The following TMEM164 variants were observed in gnomAD, a reference collection of about 807,000 sequenced individuals.
TMEM164 encodes transmembrane protein 164, also known as RP13-360B22.2.
In TMEM164, 4 loss-of-function variants were observed where a neutral mutation model predicts 18.8. That is an observed-to-expected ratio of 0.21 (90% CI 0.10 to 0.49). The LOEUF (loss-of-function observed/expected upper bound fraction) is 0.49, where lower values mean the gene tolerates loss of function less well. TMEM164 is among the 20% of genes least tolerant of loss of function. The probability of loss-of-function intolerance (pLI) is 0.98; values close to 1 mark genes in which losing one functional copy is unlikely to be tolerated. For synonymous variants in TMEM164, 86 were observed against 101.7 expected (o/e 0.85, Z 0.93); for missense variants, 108 against 239.9 (o/e 0.45, Z 3.63).
chrX:110,086,381 T>A (rs933166511), intron 3 of TMEM164, among the ~76,000 whole-genome samples: 77 of 111,497 alleles, frequency 6.9e-4, no homozygotes, highest in African/African-American at 2.3e-3. Flanking sequence ...ACTATTTAAC[T>A]GTTGTTGGAG....
chrX:110,084,479 G>GTATATATATATAT (rs1569321159), intron 3 of TMEM164, among the ~76,000 whole-genome samples: 1 of 27,042 alleles, frequency 3.7e-5, no homozygotes, highest in Non-Finnish European at 7.0e-5. Flanking sequence ...TATATATATA[G>GTATATATATATAT]AGAGAGAGAG....
chrX:110,118,394 G>A (rs773117294), intron 4 of TMEM164, among the ~76,000 whole-genome samples: 43 of 109,856 alleles, frequency 3.9e-4, no homozygotes, highest in African/African-American at 1.4e-3. Flanking sequence ...AAAATATTGC[G>A]GACCACTGAC....
intron 3 of TMEM164, among the ~76,000 whole-genome samples, chrX:110,102,514 C>T (rs1299102072): frequency 9.0e-6 from 1 of 111,690 alleles, no homozygotes; most frequent in African/African-American, 3.3e-5. Flanking sequence ...TTATCAAGTA[C>T]TAAATTAAAA....
intron 2 of TMEM164, among the ~76,000 whole-genome samples, chrX:110,029,015 G>A (rs1215444412): frequency 9.0e-6 from 1 of 111,030 alleles, no homozygotes; most frequent in Non-Finnish European, 1.9e-5. Context: ...TAGGGGTCCC[G>A]TGGCAACTTA....
intron 2 of TMEM164, among the ~76,000 whole-genome samples, chrX:110,029,382 T>C (rs777518530): frequency 8.9e-6 from 1 of 111,896 alleles, no homozygotes; most frequent in South Asian, 3.7e-4. Context: ...CTGCCTAGTA[T>C]TTTCTATGAG....
At chrX:110,002,873 T>C (rs1379727159), upstream of TMEM164, 3 of 110,239 alleles carry the variant, frequency 2.7e-5, no homozygotes, top group Admixed American at 2.8e-4. Flanking sequence ...CCGGCTTTAG[T>C]CCAGGGGCCG....
intron 5 of TMEM164, among the ~76,000 whole-genome samples, chrX:110,146,502 G>A (rs2066856828): frequency 8.9e-6 from 1 of 112,017 alleles, no homozygotes; most frequent in African/African-American, 3.3e-5. Flanking sequence ...AGAGATAGTA[G>A]GGCTGTAATG....
At chrX:110,158,910 C>T (rs1395519677) in intron 5 of TMEM164, among the ~76,000 whole-genome samples, 2 of 112,290 alleles carry the variant, frequency 1.8e-5, no homozygotes, top group African/African-American at 3.2e-5. Context: ...TCAGTTTTCT[C>T]ATCTGTAAAA....
intron 5 of TMEM164, among the ~76,000 whole-genome samples, chrX:110,168,400 A>G (rs1406378485): frequency 3.5e-5 from 4 of 112,839 alleles, no homozygotes; most frequent in Non-Finnish European, 7.5e-5. Flanking sequence ...ACAAGGGAAG[A>G]GACAATCCAA....
intron 4 of TMEM164, among the ~76,000 whole-genome samples, chrX:110,142,593 A>T (rs1441475297): frequency 1.8e-5 from 2 of 113,287 alleles, no homozygotes; most frequent in Non-Finnish European, 3.7e-5. Context: ...TTAAATTAAC[A>T]GTTTACAAAG....
intron 2 of TMEM164, among the ~76,000 whole-genome samples, chrX:110,049,493 T>C (rs1935456773): frequency 9.0e-6 from 1 of 111,259 alleles, no homozygotes; most frequent in East Asian, 2.8e-4. Context: ...ATCCCTCTCA[T>C]GCTCCTATGA....
At chrX:110,051,797 G>A (rs1935574645) in intron 2 of TMEM164, among the ~76,000 whole-genome samples, 1 of 111,625 alleles carries the variant, frequency 9.0e-6, no homozygotes, top group African/African-American at 3.3e-5. Context: ...GCTTCCAGCT[G>A]ACTCCCTTCT....
intron 2 of TMEM164, among the ~76,000 whole-genome samples, chrX:110,049,132 G>A (rs1024305995): frequency 6.3e-5 from 7 of 111,583 alleles, no homozygotes; most frequent in Non-Finnish European, 9.4e-5. Flanking sequence ...GAGATATAAG[G>A]GCCTTTAGAT....
intron 4 of TMEM164, among the ~76,000 whole-genome samples, chrX:110,124,214 G>C (rs374625789): frequency 9.0e-6 from 1 of 110,609 alleles, no homozygotes; most frequent in African/African-American, 3.3e-5. Context: ...CAGGCAGGAA[G>C]GCAGGAAGGC....
At chrX:110,134,713 G>GGA (rs2066664246) in intron 4 of TMEM164, among the ~76,000 whole-genome samples, 2 of 109,173 alleles carry the variant, frequency 1.8e-5, no homozygotes, top group African/African-American at 3.4e-5. Flanking sequence ...GGTGAGGTGA[G>GGA]GAGTGGGAGT....
At chrX:110,006,258 C>T (rs1159439011) in intron 2 of TMEM164, among the ~76,000 whole-genome samples, 6 of 111,173 alleles carry the variant, frequency 5.4e-5, no homozygotes, top group Admixed American at 1.9e-4. Context: ...AGTCAGGTGG[C>T]CAGTTCCCAT....
At chrX:110,150,180 C>G (rs2066920172) in intron 5 of TMEM164, among the ~76,000 whole-genome samples, 1 of 112,107 alleles carries the variant, frequency 8.9e-6, no homozygotes, top group African/African-American at 3.2e-5. Context: ...GAGGAGAGTT[C>G]CCTGAGGAAA....
intron 2 of TMEM164, among the ~76,000 whole-genome samples, chrX:110,007,251 C>T (rs372807558): frequency 8.9e-6 from 1 of 112,060 alleles, no homozygotes; most frequent in South Asian, 3.7e-4. Context: ...GATTAATATT[C>T]GTCCTGTCAG....
intron 3 of TMEM164, among the ~76,000 whole-genome samples, chrX:110,108,589 G>C (rs975837446): frequency 5.3e-5 from 6 of 112,436 alleles, no homozygotes; most frequent in African/African-American, 1.9e-4. Context: ...AAACACTGCA[G>C]TTGGCTTCCT....
Sources: gnomAD v4.1 joint callset for allele counts (sites outside exome capture counted in the v4.1 genomes callset) on GRCh38, gnomAD v4.1.1 for gene constraint, MANE v1.5 for transcripts, NCBI Gene and HGNC (gene_info 2026-07-23, HGNC 2026-07-21) for gene names.